The following TAF6L variants were observed in gnomAD, a reference collection of about 807,000 sequenced individuals.
TAF6L encodes the protein TATA-box binding protein associated factor 6 like, also known as TAF6-like RNA polymerase II p300/CBP-associated factor-associated factor 65 kDa subunit 6L.
In TAF6L, 34 loss-of-function variants were observed where a neutral mutation model predicts 57.3. The ratio of observed to expected loss-of-function variants is 0.59; its 90% CI spans 0.45 to 0.79. The LOEUF (loss-of-function observed/expected upper bound fraction) is 0.79, where lower values mean the gene tolerates loss of function less well. Among genes scored for constraint, TAF6L ranks in the 30% least tolerant of loss-of-function variants. The pLI, the probability that TAF6L is intolerant of heterozygous loss-of-function variation, is 0.00. For missense variants in TAF6L, 782 were observed against 853.2 expected, an observed-to-expected ratio of 0.92 and a Z score of 1.04; for synonymous variants, 417 against 376.3, an observed-to-expected ratio of 1.11 and a Z score of -1.25.
chr11:62,783,341 G>C (rs1274719251), intron 9 of TAF6L, among the ~76,000 whole-genome samples: 2 of 152,038 alleles, frequency 1.3e-5, no homozygotes, highest in African/African-American at 2.4e-5. Flanking sequence ...AATTAGCCTG[G>C]TGTGGTGGCG....
At position 62,778,964 on chromosome 11, in the gene TAF6L, G is replaced by GT; in HGVS notation, c.531+2dup. The GT allele has an allele frequency of 6.2e-7, 1 of 1,613,540 alleles. No individual in the cohort carries two copies. Among genetic ancestry groups the GT allele is most frequent in the Non-Finnish European group, 8.5e-7 (1 of 1,179,640 alleles). On this transcript the variant is annotated splice_donor_variant, in intron 6 of 10. Coordinates refer to ENST00000294168, the MANE Select transcript of TAF6L (RefSeq NM_006473.4). LOFTEE classifies it high-confidence loss of function. ...AGGGGATGATCCGCAACTGATGAAG[G>GT]TGAGCGAGTGGGCCCAAGTTGGGGC... is the stretch of plus-strand genomic sequence containing the variant.
chr11:62,772,097 ATGGAACATTTAGCCTCTGAGGTT>A (rs1412336454), intron 1 of TAF6L: 1 of 456,158 alleles, frequency 2.2e-6, no homozygotes, highest in Non-Finnish European at 4.4e-6. Flanking sequence ...TGGAGAAGTC[ATGGAACATTTAGCCTCTGAGGTT>A]TGATTTCCTT....
chr11:62,773,448 A>ATTT (rs112592058), intron 1 of TAF6L, among the ~76,000 whole-genome samples: 1 of 135,832 alleles, frequency 7.4e-6, no homozygotes, highest in Non-Finnish European at 1.6e-5. Context: ...CCGGCCTACA[A>ATTT]TTTTTTTTTT....
chr11:62,777,958 C>A lies in TAF6L; in HGVS notation c.235-20C>A. 6.2e-7 allele frequency: 1 copy of A among 1,613,380 alleles called. No homozygotes were observed. Among genetic ancestry groups the A allele is most frequent in the South Asian group, 1.1e-5 (1 of 91,028 alleles). Reference sequence around the variant, plus strand: ...TCCCTCCCTGGATTCAGGCTGCTCTCCAATTCCCTTTTTCCTCAGGCTGTG... The same window carrying A: ...TCCCTCCCTGGATTCAGGCTGCTCTACAATTCCCTTTTTCCTCAGGCTGTG... On this transcript the variant is annotated intron_variant, in intron 3 of 10. Transcript: ENST00000294168.
At position 62,778,978 on chromosome 11, in the gene TAF6L, C is replaced by CCAAGTTGGGGCA; in HGVS notation, c.531+19_531+30dup. 1 of 1,606,124 alleles carries CCAAGTTGGGGCA rather than the reference C, an allele frequency of 6.2e-7. No homozygotes were observed. Among genetic ancestry groups the CCAAGTTGGGGCA allele is most frequent in the Non-Finnish European group, 8.5e-7 (1 of 1,173,376 alleles). ...AACTGATGAAGGTGAGCGAGTGGGC[C>CCAAGTTGGGGCA]CAAGTTGGGGCACAAAGTTGAAATT... On this transcript the variant is annotated intron_variant, in intron 6 of 10. Transcript: ENST00000294168.
intron 1 of TAF6L, among the ~76,000 whole-genome samples, chr11:62,775,442 G>A (rs985521373): frequency 6.6e-6 from 1 of 152,216 alleles, no homozygotes; most frequent in Non-Finnish European, 1.5e-5. Flanking sequence ...GAGAGGGCAG[G>A]AATTATTGTG....
Position 62,786,988 on chromosome 11 carries a change from A to G in TAF6L, c.1561A>G (p.Ser521Gly), listed in dbSNP as rs1590940304. The G allele has an allele frequency of 6.8e-7, 1 of 1,476,644 alleles. No homozygotes were observed. Among genetic ancestry groups the G allele is most frequent in the East Asian group, 2.8e-5 (1 of 35,646 alleles). The allele number at this position is 1,476,644 out of a possible 1,614,324, so 91.5% of individuals were successfully genotyped here. ...ASASGPAASE[S>G]RPLPRVHRAR... ...GGCCTCTGGGCCCGCCGCCTCTGAG[A>G]GCAGGCCCTTGCCGCGCGTGCATCG... The change falls in exon 11 of 11, where the codon AGC becomes GGC. Residue 521 changes from serine to glycine, a missense_variant. Around this residue, in one of 3 missense-constraint regions of TAF6L, gnomAD observed 483 missense variants for 445.1 expected, o/e 1.09. Transcript: ENST00000294168.
intron 1 of TAF6L, among the ~76,000 whole-genome samples, chr11:62,772,389 G>A (rs963610978): frequency 2.0e-5 from 3 of 151,996 alleles, no homozygotes; most frequent in African/African-American, 4.8e-5. Context: ...TGGGCATGGC[G>A]GCGTATGCCT....
In TAF6L at chr11:62,778,080, G is replaced by T. The variant is rs942153665; in HGVS notation, c.337G>T (p.Ala113Ser). ...TCGAGAGGTGAACCTGGTGGAGCTG[G>T]CCCTGGCTACCAACATCCCCAAAGG... ...EDREVNLVEL[A>S]LATNIPKGCA... Residue 113 changes from alanine to serine, a missense_variant, in exon 4 of 11, where the codon GCC becomes TCC. By Grantham distance (99) the Ala-to-Ser change is moderately conservative. Around this residue, in one of 3 missense-constraint regions of TAF6L, gnomAD observed 220 missense variants for 252.1 expected, o/e 0.87. Transcript: ENST00000294168. 1.9e-6 allele frequency: 3 copies of T among 1,614,180 alleles called. No homozygotes were observed. The highest frequency in any genetic ancestry group is 2.5e-6 in the Non-Finnish European group (3 of 1,180,026).
In TAF6L at chr11:62,772,662, C is replaced by T. The variant is rs188022255; in HGVS notation, c.-14+1172C>T. On this transcript the variant is annotated intron_variant, in intron 1 of 10. Transcript: ENST00000294168. ...TTGGCTACCATGGCGAAACTCCATC[C>T]CTACTAAAAATACAAAAATTAGCCA... Among the ~76,000 whole-genome samples the T allele has an allele frequency of 2.9e-3, 437 of 151,342 alleles. 2 individuals are homozygous for T. Among genetic ancestry groups the T allele is most frequent in the Non-Finnish European group, 3.0e-3 (204 of 67,860 alleles).
In TAF6L at chr11:62,786,710, C is replaced by T. The variant is rs754991276; in HGVS notation, c.1283C>T (p.Pro428Leu). The T allele has an allele frequency of 6.2e-7, 1 of 1,612,664 alleles. No individual in the cohort carries two copies. Reference sequence around the variant, plus strand: ...CCGCTGCCGCCAGGGGGCGCGGGGCCGGAGGACCCTTCTCTTTCGGTGACC... The same window carrying T: ...CCGCTGCCGCCAGGGGGCGCGGGGCTGGAGGACCCTTCTCTTTCGGTGACC... ...GLPLPPGGAG[P>L]EDPSLSVTLA... is the part of the protein sequence containing the mutation. Residue 428 changes from proline to leucine, a missense_variant, in exon 11 of 11, where the codon CCG becomes CTG. Coordinates refer to ENST00000294168, the MANE Select transcript of TAF6L (RefSeq NM_006473.4).
chr11:62,783,649 C>T (rs2084247548), intron 9 of TAF6L, among the ~76,000 whole-genome samples: 1 of 151,604 alleles, frequency 6.6e-6, no homozygotes, highest in Non-Finnish European at 1.5e-5. Context: ...ATTCTTCCAC[C>T]TCACCCTCCC....
At chr11:62,776,695 A>T (rs979555021) in intron 3 of TAF6L, among the ~76,000 whole-genome samples, 5 of 152,116 alleles carry the variant, frequency 3.3e-5, no homozygotes, top group Admixed American at 3.3e-4. Context: ...TACTAAAAAT[A>T]CAGAAATTAG....
Position 62,786,755 on chromosome 11 carries a change from AG to A in TAF6L, c.1329del (p.Glu443AspfsTer46). On this transcript the variant is annotated frameshift_variant, in exon 11 of 11. Transcript: ENST00000294168. LOFTEE classifies it high-confidence loss of function. ...LSVTLADIYR[E>X]LYAFFGDSLA... The stretch of plus-strand genomic sequence containing the variant: ...GTGACCCTGGCCGACATCTACCGGG[AG>A]CTCTACGCCTTCTTCGGTGACAGCT... 1 of 1,612,832 alleles carries A rather than the reference AG, an allele frequency of 6.2e-7. No homozygotes were observed. The highest frequency in any genetic ancestry group is 8.5e-7 in the Non-Finnish European group (1 of 1,179,824).
chr11:62,776,851 A>T (rs1358215668), intron 3 of TAF6L, among the ~76,000 whole-genome samples: 2 of 125,870 alleles, frequency 1.6e-5, no homozygotes. Flanking sequence ...TCAAAAAAAG[A>T]AAAAAAAAAA....
chr11:62,782,256 G>A lies in TAF6L; in HGVS notation c.750G>A (p.Leu250=), dbSNP rs772861505. Residue 250 remains leucine (L), a synonymous_variant, in exon 8 of 11, where the codon CTG becomes CTA. Coordinates refer to ENST00000294168, the MANE Select transcript of TAF6L (RefSeq NM_006473.4). ...TCCTCTACTGTGTCCTGGAGCCACTGGCTGCCTCCATCAACCCCCTGAATG... is the reference window on the plus strand; with the variant it reads ...TCCTCTACTGTGTCCTGGAGCCACTAGCTGCCTCCATCAACCCCCTGAATG... ...GSVLYCVLEP[L]AASINPLNDH... 8.7e-6 allele frequency: 14 copies of A among 1,614,090 alleles called. No individual in the cohort carries two copies. The Admixed American group carries it at 1.3e-4, about 15-fold the overall frequency.
chr11:62,772,553 G>A (rs2134694450), intron 1 of TAF6L, among the ~76,000 whole-genome samples: 1 of 147,892 alleles, frequency 6.8e-6, no homozygotes, highest in South Asian at 2.2e-4. Context: ...GTCGGGCCAG[G>A]TGCGGTGGCT....
chr11:62,772,498 G>A (rs1350853602), intron 1 of TAF6L, among the ~76,000 whole-genome samples: 1 of 150,878 alleles, frequency 6.6e-6, no homozygotes, highest in East Asian at 2.0e-4. Context: ...ACTCCAGCCT[G>A]GGTGACAGAG....
intron 1 of TAF6L, among the ~76,000 whole-genome samples, chr11:62,772,523 C>CAA (rs556866279): frequency 4.1e-5 from 3 of 74,020 alleles, no homozygotes; most frequent in Admixed American, 1.5e-4. Context: ...ACTGTGTCTC[C>CAA]AAAAAAAAAA....
Sources: allele counts gnomAD v4.1 joint callset (sites outside exome capture counted in the v4.1 genomes callset), GRCh38; gene constraint gnomAD v4.1.1; regional missense constraint gnomAD v4.1.1; transcripts MANE v1.5; gene names NCBI Gene and HGNC (gene_info 2026-07-23, HGNC 2026-07-21).